Variants in LRRTM4 observed in about 807,000 individuals in gnomAD.
LRRTM4 encodes the protein leucine rich repeat transmembrane neuronal 4, also known as leucine-rich repeat transmembrane neuronal protein 4.
Under a neutral mutation model 47.6 loss-of-function variants are expected in LRRTM4, and 25 were observed. The observed-to-expected ratio is 0.53, with a 90% CI of 0.38 to 0.73. The LOEUF (loss-of-function observed/expected upper bound fraction) is 0.73. LRRTM4 is among the 30% of genes least tolerant of loss of function. The pLI, the probability that LRRTM4 is intolerant of heterozygous loss-of-function variation, is 0.00. For missense variants in LRRTM4, 638 were observed against 713.4 expected (o/e 0.89, Z 1.20); for synonymous variants, 311 against 269.5 (o/e 1.15, Z -1.51).
rs1673845083 is a variant in LRRTM4, at chr2:77,196,934, C to T, written c.1551+321384G>A. On this transcript the variant is annotated intron_variant, in intron 3 of 3. Coordinates refer to ENST00000409884, the MANE Select transcript of LRRTM4 (RefSeq NM_001134745.3). ...CATGTTATGTTTTTTTAATTTTTTT[C>T]CAGTTTCAAGTGCTTACCAATTTTT... is the stretch of plus-strand genomic sequence containing the variant. Among the ~76,000 whole-genome samples, 3 of 151,980 alleles carry T rather than the reference C, an allele frequency of 2.0e-5. 1 individual carries two copies. The highest frequency in any genetic ancestry group is 6.8e-3 in the Middle Eastern group (2 of 292).
chr2:77,271,394 C>T (rs1558662432), intron 3 of LRRTM4, among the ~76,000 whole-genome samples: 1 of 152,114 alleles, frequency 6.6e-6, no homozygotes, highest in African/African-American at 2.4e-5. Flanking sequence ...AGGTCTCTCA[C>T]TTGCTTGCTT....
chr2:77,000,836 C>T (rs1056549160), intron 3 of LRRTM4, among the ~76,000 whole-genome samples: 3 of 152,076 alleles, frequency 2.0e-5, no homozygotes, highest in African/African-American at 7.2e-5. Flanking sequence ...AATCCCTGAG[C>T]CTCCATGGTG....
intron 3 of LRRTM4, among the ~76,000 whole-genome samples, chr2:76,971,130 G>C (rs908752988): frequency 2.0e-5 from 3 of 152,020 alleles, no homozygotes; most frequent in Non-Finnish European, 2.9e-5. Context: ...GGAGGGGACA[G>C]TTGCCACGAA....
intron 3 of LRRTM4, among the ~76,000 whole-genome samples, chr2:77,124,585 C>T (rs985353767): frequency 6.6e-6 from 1 of 152,112 alleles, no homozygotes; most frequent in Non-Finnish European, 1.5e-5. Flanking sequence ...CATCATCACA[C>T]CAGATGATTC....
At chr2:77,174,190 G>T (rs1673130615) in intron 3 of LRRTM4, among the ~76,000 whole-genome samples, 2 of 152,062 alleles carry the variant, frequency 1.3e-5, no homozygotes, top group Admixed American at 1.3e-4. Flanking sequence ...GACACTGGTG[G>T]TTCTTATTCT....
intron 3 of LRRTM4, among the ~76,000 whole-genome samples, chr2:77,340,072 T>TA (rs1671314678): frequency 6.6e-6 from 1 of 151,986 alleles, no homozygotes; most frequent in African/African-American, 2.4e-5. Flanking sequence ...GGTAGATTTT[T>TA]AAAAAATGAT....
chr2:77,135,106 C>T (rs758449022), intron 3 of LRRTM4, among the ~76,000 whole-genome samples: 6 of 152,132 alleles, frequency 3.9e-5, no homozygotes, highest in Non-Finnish European at 5.9e-5. Flanking sequence ...CGGATGAAAA[C>T]ATTCAGTCCA....
intron 3 of LRRTM4, among the ~76,000 whole-genome samples, chr2:77,157,831 GACAGAGGAACATGAGCTATATT>G (rs1399363559): frequency 6.6e-6 from 1 of 152,092 alleles, no homozygotes; most frequent in African/African-American, 2.4e-5. Flanking sequence ...GAAACTCAGG[GACAGAGGAACATGAGCTATATT>G]ATGAGCATGC....
chr2:76,950,752 C>T (rs997327998), intron 3 of LRRTM4, among the ~76,000 whole-genome samples: 5 of 151,794 alleles, frequency 3.3e-5, no homozygotes, highest in Non-Finnish European at 5.9e-5. Context: ...CTAATACTTA[C>T]AAAAATAAAA....
At chr2:77,473,519 G>A (rs780925442) in intron 3 of LRRTM4, among the ~76,000 whole-genome samples, 1 of 152,042 alleles carries the variant, frequency 6.6e-6, no homozygotes, top group Non-Finnish European at 1.5e-5. Flanking sequence ...AATGAGCGGG[G>A]CTGGTGCACA....
At chr2:76,964,795 A>C (rs889947341) in intron 3 of LRRTM4, among the ~76,000 whole-genome samples, 1 of 150,910 alleles carries the variant, frequency 6.6e-6, no homozygotes, top group Non-Finnish European at 1.5e-5. Context: ...ATGAAATAAA[A>C]AACAATTAAT....
At chr2:77,370,380 T>C (rs1482424248) in intron 3 of LRRTM4, among the ~76,000 whole-genome samples, 3 of 151,818 alleles carry the variant, frequency 2.0e-5, no homozygotes, top group Non-Finnish European at 4.4e-5. Flanking sequence ...TAATAACTAC[T>C]GTCCCCTAGC....
chr2:76,781,072 T>TGGGGTAA (rs1553407135), intron 3 of LRRTM4, among the ~76,000 whole-genome samples: 1 of 150,878 alleles, frequency 6.6e-6, no homozygotes, highest in Non-Finnish European at 1.5e-5. Context: ...TAGGCTGTTC[T>TGGGGTAA]GGGGTCAGGG....
chr2:77,172,369 G>A (rs1341201283), intron 3 of LRRTM4, among the ~76,000 whole-genome samples: 1 of 152,104 alleles, frequency 6.6e-6, no homozygotes, highest in Non-Finnish European at 1.5e-5. Flanking sequence ...GGCCGAGGTG[G>A]GTAGATCACG....
intron 3 of LRRTM4, among the ~76,000 whole-genome samples, chr2:76,837,731 A>C (rs1184534889): frequency 6.6e-6 from 1 of 152,180 alleles, no homozygotes; most frequent in Non-Finnish European, 1.5e-5. Flanking sequence ...TGTGGCACAT[A>C]TACACCATGG....
chr2:76,799,959 A>T (rs1483742531), intron 3 of LRRTM4, among the ~76,000 whole-genome samples: 1 of 151,584 alleles, frequency 6.6e-6, no homozygotes, highest in Non-Finnish European at 1.5e-5. Flanking sequence ...AAGAGGATAC[A>T]AACAAATGGA....
At chr2:76,829,218 C>T (rs141198382) in intron 3 of LRRTM4, among the ~76,000 whole-genome samples, 1 of 151,960 alleles carries the variant, frequency 6.6e-6, no homozygotes, top group African/African-American at 2.4e-5. Flanking sequence ...CAACTGTTGG[C>T]TGGGTAATGA....
At chr2:77,041,066 C>A (rs140363222) in intron 3 of LRRTM4, among the ~76,000 whole-genome samples, 31 of 151,496 alleles carry the variant, frequency 2.0e-4, no homozygotes, top group Non-Finnish European at 4.0e-4. Flanking sequence ...ACCAACCCCT[C>A]CCCACACCCT....
In LRRTM4 at chr2:76,748,706, TTC is replaced by T; in HGVS notation, c.1760_1761del (p.Arg587AsnfsTer81). On this transcript the variant is annotated frameshift_variant, in exon 4 of 4. Transcript: ENST00000409884. LOFTEE classifies it high-confidence loss of function. ...AGTTGGCTTCAGCGTTAGTTTGCAA[TTC>T]TCTCTAGGTAGATGGCCGGTGCTGC... The part of the protein sequence containing the change: ...RSAAPAIYLE[R>X]IAN 1 of 1,505,196 alleles carries T rather than the reference TTC, an allele frequency of 6.6e-7. No homozygotes were observed. The highest frequency in any genetic ancestry group is 9.0e-7 in the Non-Finnish European group (1 of 1,109,806). 93.2% of individuals were successfully genotyped at this position (1,505,196 alleles called of 1,614,324 possible). A position where few individuals can be genotyped will look rare whatever the true frequency, so the allele number is the denominator to read the frequency against.
Sources: gnomAD v4.1 joint callset for allele counts (sites outside exome capture counted in the v4.1 genomes callset) on GRCh38, gnomAD v4.1.1 for gene constraint, MANE v1.5 for transcripts, NCBI Gene and HGNC (gene_info 2026-07-23, HGNC 2026-07-21) for gene names.